Variants in ADCY10 observed in about 807,000 individuals in gnomAD.
ADCY10 encodes the protein adenylate cyclase 10.
ADCY10 carries 156 observed loss-of-function variants against 183.3 expected under a neutral mutation model. The ratio of observed to expected loss-of-function variants is 0.85; its 90% confidence interval spans 0.75 to 0.97. The LOEUF is 0.97. Among genes scored for constraint, ADCY10 ranks in the 50% least tolerant of loss-of-function variants. The probability of loss-of-function intolerance (pLI) is 0.00; values close to 1 mark genes in which losing one functional copy is unlikely to be tolerated. For synonymous variants in ADCY10, 645 were observed against 670.0 expected, an observed-to-expected ratio of 0.96 and a Z score of 0.58; for missense variants, 1,745 against 1,934.3, an observed-to-expected ratio of 0.90 and a Z score of 1.84.
intron 13 of ADCY10, among the ~76,000 whole-genome samples, chr1:167,872,904 T>C (rs1218134565): frequency 3.3e-5 from 5 of 151,582 alleles, no homozygotes; most frequent in Middle Eastern, 3.4e-3. Flanking sequence ...ACCCCGTCTC[T>C]ACTAAAAATA....
chr1:167,894,780 G>C (rs575243970), intron 7 of ADCY10, among the ~76,000 whole-genome samples: 3 of 152,166 alleles, frequency 2.0e-5, no homozygotes, highest in Admixed American at 6.5e-5. Context: ...TAGGTAGTTG[G>C]TCAGAAGTGC....
At chr1:167,816,887 G>GT (rs1309763296) in intron 31 of ADCY10, among the ~76,000 whole-genome samples, 2 of 152,214 alleles carry the variant, frequency 1.3e-5, no homozygotes, top group Non-Finnish European at 2.9e-5. Context: ...TGAAGAAGGA[G>GT]TAAGTGGAGG....
In ADCY10 at chr1:167,856,294, G is replaced by A. The variant is rs75116612; in HGVS notation, c.2042C>T (p.Ala681Val). Residue 681 changes from alanine (A) to valine (V), a missense_variant, in exon 17 of 33, where the codon GCA (alanine) becomes GTA (valine). Physicochemically the swap from Ala to Val is moderately conservative, Grantham distance 64. Transcript: ENST00000367851. ...SLCPFVNIPC[A>V]AARAVIKNRN... ...GTTCTTTATTACGGCCCTGGCAGCT[G>A]CACAGGGAATGTTAACGAAGGGACA... 4,029 of 1,614,046 alleles carry A rather than the reference G, an allele frequency of 2.5e-3. 8 individuals carry two copies. The highest frequency in any genetic ancestry group is 3.2e-3 in the Non-Finnish European group (3,806 of 1,179,960).
In ADCY10 at chr1:167,881,365, G is replaced by A. The variant is rs80243337; in HGVS notation, c.1021-756C>T. Among the ~76,000 whole-genome samples the A allele has an allele frequency of 8.5e-5, 13 of 152,288 alleles. No individual in the cohort carries two copies. The East Asian group carries it at 2.5e-3, about 29-fold the overall frequency. ...GGTTGAAATTTTGAGTTTTTGACAT[G>A]TTACATCCTGATAAAATGCAAAGAA... On this transcript the variant is annotated intron_variant, in intron 9 of 32. Transcript: ENST00000367851.
chr1:167,879,049 T>C (rs1197402632), intron 11 of ADCY10, among the ~76,000 whole-genome samples: 1 of 152,218 alleles, frequency 6.6e-6, no homozygotes, highest in Non-Finnish European at 1.5e-5. Flanking sequence ...TGCATGCTCC[T>C]ATGAATAAAC....
At chr1:167,903,427 G>C (rs1669581070) in intron 3 of ADCY10, among the ~76,000 whole-genome samples, 2 of 151,992 alleles carry the variant, frequency 1.3e-5, no homozygotes, top group East Asian at 1.9e-4. Context: ...AGACAGGTGT[G>C]GGGGCGGGCG....
intron 5 of ADCY10, 32 bp from the exon 6 acceptor site, chr1:167,899,660 A>G: frequency 6.2e-7 from 1 of 1,604,888 alleles, no homozygotes; most frequent in Non-Finnish European, 8.5e-7. Flanking sequence ...GGTTTGCACA[A>G]GAAGTTCTGG....
At chr1:167,872,365 CT>C (rs1450123821) in intron 13 of ADCY10, among the ~76,000 whole-genome samples, 2 of 129,006 alleles carry the variant, frequency 1.6e-5, no homozygotes, top group African/African-American at 6.0e-5. Flanking sequence ...CCTAAGGAAG[CT>C]TAAAAAAAAA....
intron 26 of ADCY10, among the ~76,000 whole-genome samples, chr1:167,828,863 G>A (rs1351982713): frequency 2.0e-5 from 3 of 152,110 alleles, no homozygotes; most frequent in Non-Finnish European, 4.4e-5. Context: ...TCAGGAGGAT[G>A]AGGCAAGAGA....
intron 28 of ADCY10, 41 bp from the exon 29 acceptor site, chr1:167,823,164 A>T (rs1420628206): frequency 6.4e-7 from 1 of 1,560,706 alleles, no homozygotes; most frequent in East Asian, 2.2e-5. Flanking sequence ...AAAGTGGTGG[A>T]TATTGTAATC....
At position 167,829,312 on chromosome 1, in the gene ADCY10, A is replaced by T; in HGVS notation, c.3705T>A (p.Val1235=). The T allele has an allele frequency of 6.2e-7, 1 of 1,614,154 alleles. No homozygotes were observed. Residue 1235 remains valine (V), a synonymous_variant, in exon 26 of 33, where the codon GTT becomes GTA. Transcript: ENST00000367851. ...CCAGTGCAGTATTCATTTGCATCAT[A>T]ACTGCCAGGTGGGCATAATACTTGC... is the stretch of plus-strand genomic sequence containing the variant. ...FHCKYYAHLA[V]MMQMNTALET...
In ADCY10 at chr1:167,837,230, C is replaced by T. The variant is rs372936144; in HGVS notation, c.3077+19G>A. 6.3e-7 allele frequency: 1 copy of T among 1,588,864 alleles called. No individual in the cohort carries two copies. Reference sequence around the variant, plus strand: ...AATTATTTATGCTCTACTTCCTAAACAATGATATATGCCTCTACCTGCGAT... The same window carrying T: ...AATTATTTATGCTCTACTTCCTAAATAATGATATATGCCTCTACCTGCGAT... On this transcript the variant is annotated intron_variant, in intron 22 of 32. Coordinates refer to ENST00000367851, the MANE Select transcript of ADCY10 (RefSeq NM_018417.6).
intron 25 of ADCY10, 65 bp downstream of exon 25, chr1:167,832,922 A>AT: frequency 6.4e-7 from 1 of 1,561,776 alleles, no homozygotes; most frequent in Non-Finnish European, 8.8e-7. Context: ...GCTGACTTGG[A>AT]TTATGTGTAG....
rs146621608 is a variant in ADCY10 at position 167,899,717 on chromosome 1, G to A, written c.437-89C>T. The A allele has an allele frequency of 7.0e-5, 87 of 1,234,534 alleles. No homozygotes were observed. The East Asian group carries it at 2.1e-3, about 30-fold the overall frequency. 76.5% of individuals were successfully genotyped at this position (1,234,534 alleles called of 1,614,324 possible). ...TTTTTGGAAAAACCATAATCTTGGT[G>A]GGACTATACTATCTCAGAGCAAAAT... On this transcript the variant is annotated intron_variant, in intron 5 of 32. Transcript: ENST00000367851.
chr1:167,855,353 C>CAAAA lies in ADCY10; in HGVS notation c.2171+808_2171+811dup, dbSNP rs200624145. Among the ~76,000 whole-genome samples, 864 of 151,778 alleles carry CAAAA rather than the reference C, an allele frequency of 5.7e-3. 9 individuals carry two copies. The highest frequency in any genetic ancestry group is 0.02 in the African/African-American group (822 of 41,268). Reference sequence around the variant, plus strand: ...AAAAACAAACAAACAAACAAACAAACAAAAAACAAAGAAAACCCCAGGAGA... The same window carrying CAAAA: ...AAAAACAAACAAACAAACAAACAAACAAAAAAAAAACAAAGAAAACCCCAGGAGA... On this transcript the variant is annotated intron_variant, in intron 17 of 32. Transcript: ENST00000367851.
At chr1:167,844,650 A>C (rs949284712) in intron 21 of ADCY10, among the ~76,000 whole-genome samples, 1 of 152,214 alleles carries the variant, frequency 6.6e-6, no homozygotes, top group African/African-American at 2.4e-5. Context: ...AACCCTCATC[A>C]ACCTTAAAGG....
chr1:167,830,684 G>A (rs1281451459), intron 25 of ADCY10, among the ~76,000 whole-genome samples: 2 of 152,112 alleles, frequency 1.3e-5, no homozygotes, highest in African/African-American at 4.8e-5. Context: ...GTGAGCCACT[G>A]CGCCTGGCCA....
chr1:167,888,177 A>G (rs924446615), intron 8 of ADCY10, among the ~76,000 whole-genome samples: 1 of 152,176 alleles, frequency 6.6e-6, no homozygotes, highest in Non-Finnish European at 1.5e-5. Context: ...TTGGGTTGCT[A>G]TAGCTGTGGT....
chr1:167,861,274 C>T (rs1209695938), intron 14 of ADCY10, among the ~76,000 whole-genome samples: 1 of 152,168 alleles, frequency 6.6e-6, no homozygotes, highest in Non-Finnish European at 1.5e-5. Flanking sequence ...AGCTAATTCT[C>T]TCCTTTCTAG....
Sources: gnomAD v4.1 joint callset for allele counts (sites outside exome capture counted in the v4.1 genomes callset) on GRCh38, gnomAD v4.1.1 for gene constraint, MANE v1.5 for transcripts, NCBI Gene and HGNC (gene_info 2026-07-23, HGNC 2026-07-21) for gene names.